The following SLC28A1 variants were observed in gnomAD, a reference collection of about 807,000 sequenced individuals.
The protein encoded by SLC28A1 is sodium/nucleoside cotransporter 1.
Under a neutral mutation model 74.8 loss-of-function variants are expected in SLC28A1, and 64 were observed. That is an observed-to-expected ratio of 0.86 (90% confidence interval 0.70 to 1.05). The LOEUF (loss-of-function observed/expected upper bound fraction) is 1.05, where lower values mean the gene tolerates loss of function less well. Among genes scored for constraint, SLC28A1 ranks in the 50% least tolerant of loss-of-function variants. SLC28A1 has a pLI of 0.00. For synonymous variants in SLC28A1, 359 were observed against 335.0 expected, an observed-to-expected ratio of 1.07 and a Z score of -0.78; for missense variants, 828 against 822.8, an observed-to-expected ratio of 1.01 and a Z score of -0.08.
intron 1 of SLC28A1, chr15:84,886,274 T>C: frequency 3.0e-6 from 3 of 985,164 alleles, no homozygotes; most frequent in South Asian, 4.7e-5. Context: ...GTTGCTGTTA[T>C]AATAAATCCC....
intron 9 of SLC28A1, among the ~76,000 whole-genome samples, chr15:84,916,240 C>CTT (rs34180316): frequency 1.1e-4 from 11 of 98,404 alleles, no homozygotes; most frequent in South Asian, 4.3e-4. Context: ...GCTGGGATTA[C>CTT]TTTTTTTTTT....
intron 12 of SLC28A1, 25 bp from the exon 13 acceptor site, chr15:84,933,120 A>G (rs1971500378): frequency 6.2e-7 from 1 of 1,611,754 alleles, no homozygotes; most frequent in Non-Finnish European, 8.5e-7. Context: ...CTGTCCACCT[A>G]GAACCTGCAC....
At chr15:84,927,692 C>A (rs953612633) in intron 12 of SLC28A1, among the ~76,000 whole-genome samples, 8 of 152,156 alleles carry the variant, frequency 5.3e-5, no homozygotes, top group African/African-American at 1.9e-4. Flanking sequence ...GTCTCCGTGC[C>A]CTGCCTTGGA....
chr15:84,956,716 G>A, the SLC28A1 span, among the ~76,000 whole-genome samples: 1 of 149,216 alleles, frequency 6.7e-6, no homozygotes, highest in African/African-American at 2.5e-5. Flanking sequence ...TGTTGCTAAG[G>A]CTGATTTCAA....
At chr15:84,904,727 CAG>C (rs1966869075) in intron 7 of SLC28A1, among the ~76,000 whole-genome samples, 2 of 151,918 alleles carry the variant, frequency 1.3e-5, no homozygotes, top group Non-Finnish European at 2.9e-5. Context: ...ATTAGAAACT[CAG>C]GGGCAAGGGC....
chr15:84,901,375 C>T (rs557782737), intron 6 of SLC28A1, among the ~76,000 whole-genome samples: 13 of 152,122 alleles, frequency 8.5e-5, no homozygotes, highest in South Asian at 4.2e-4. Context: ...GATATGGTGA[C>T]GGGCACCTGT....
At chr15:84,924,190 C>T (rs1203800275) in intron 12 of SLC28A1, 80 bp downstream of exon 12, 8 of 1,487,388 alleles carry the variant, frequency 5.4e-6, no homozygotes, top group Middle Eastern at 1.7e-4. Context: ...AGCTCCTGGC[C>T]AGAGCAGCCC....
chr15:84,918,215 A>G (rs1969372793), intron 9 of SLC28A1, among the ~76,000 whole-genome samples: 2 of 152,042 alleles, frequency 1.3e-5, no homozygotes, highest in Admixed American at 1.3e-4. Flanking sequence ...GAAGCAGGAG[A>G]TAAAAGTGGT....
chr15:84,898,129 CTTT>C (rs71135316), intron 6 of SLC28A1, among the ~76,000 whole-genome samples: 15,612 of 147,552 alleles, frequency 0.11, 1,068 homozygotes, highest in Non-Finnish European at 0.14. Flanking sequence ...TATTGATTTC[CTTT>C]TTTTTTTTTT....
chr15:84,941,957 C>T (rs575923992), intron 15 of SLC28A1, among the ~76,000 whole-genome samples: 2 of 152,270 alleles, frequency 1.3e-5, no homozygotes, highest in South Asian at 4.1e-4. Context: ...GTGTGAACTT[C>T]CTTAGTTACT....
the SLC28A1 span, among the ~76,000 whole-genome samples, chr15:84,971,945 C>T: frequency 6.6e-6 from 1 of 152,196 alleles, no homozygotes; most frequent in Non-Finnish European, 1.5e-5. Context: ...CCACACCCAG[C>T]CCTCTTTTCT....
downstream of SLC28A1, among the ~76,000 whole-genome samples, chr15:84,946,085 CAT>C (rs1352839442): frequency 1.3e-3 from 30 of 23,964 alleles, no homozygotes; most frequent in Admixed American, 3.1e-3. Flanking sequence ...TGTGTATGTT[CAT>C]ATATATATAT....
chr15:84,965,902 G>C, the SLC28A1 span, among the ~76,000 whole-genome samples: 1 of 144,812 alleles, frequency 6.9e-6, no homozygotes. Flanking sequence ...GGGAGGCGGG[G>C]AGGGGGGGGA....
intron 16 of SLC28A1, among the ~76,000 whole-genome samples, chr15:84,943,911 A>G (rs919586186): frequency 1.3e-5 from 2 of 152,060 alleles, no homozygotes; most frequent in African/African-American, 4.8e-5. Flanking sequence ...CTCAAAAAAA[A>G]AAAAAGAAAA....
chr15:84,906,798 AT>A (rs1051208121), intron 8 of SLC28A1, among the ~76,000 whole-genome samples: 1 of 152,074 alleles, frequency 6.6e-6, no homozygotes, highest in African/African-American at 2.4e-5. Flanking sequence ...AAAATCAACC[AT>A]TTTAACCCCT....
chr15:84,943,050 G>A (rs1208697260), intron 15 of SLC28A1, among the ~76,000 whole-genome samples: 2 of 152,130 alleles, frequency 1.3e-5, no homozygotes, highest in Admixed American at 1.3e-4. Flanking sequence ...GCCGGGCGTG[G>A]TGGCGGGCAC....
rs771782048 is a variant in SLC28A1 at position 84,945,201 on chromosome 15, G to A, written c.*1G>A. ...CAACCACACGATCTGTGCACAGTGAGGACAGAACATGCTTGTGCTTCTGCG... is the reference window on the plus strand; with the variant it reads ...CAACCACACGATCTGTGCACAGTGAAGACAGAACATGCTTGTGCTTCTGCG... On this transcript the variant is annotated 3_prime_UTR_variant, in exon 19 of 19. Coordinates refer to ENST00000394573, the MANE Select transcript of SLC28A1 (RefSeq NM_004213.5). 3 of 1,613,782 alleles carry A rather than the reference G, an allele frequency of 1.9e-6. No homozygotes were observed. The highest frequency in any genetic ancestry group is 4.5e-5 in the East Asian group (2 of 44,864).
chr15:84,887,627 C>T, intron 2 of SLC28A1, 118 bp from the exon 3 acceptor site: 2 of 1,544,700 alleles, frequency 1.3e-6, no homozygotes, highest in African/African-American at 2.7e-5. Flanking sequence ...AGGCAGGGCT[C>T]TGGCTGTGCC....
At chr15:84,956,468 CTTCT>C in the SLC28A1 span, among the ~76,000 whole-genome samples, 5 of 67,050 alleles carry the variant, frequency 7.5e-5, no homozygotes, top group African/African-American at 1.8e-4. Context: ...TCTTTCTTTC[CTTCT>C]TTCTTTCTTT....
Sources: gnomAD v4.1 joint callset for allele counts (sites outside exome capture counted in the v4.1 genomes callset) on GRCh38, gnomAD v4.1.1 for gene constraint, MANE v1.5 for transcripts, NCBI Gene and HGNC (gene_info 2026-07-23, HGNC 2026-07-21) for gene names.